CEP162: variants seen among roughly 807,000 people sequenced by gnomAD.
The protein encoded by CEP162 is centrosomal protein of 162 kDa.
CEP162 carries 141 observed loss-of-function variants against 169.2 expected under a neutral mutation model. The observed-to-expected ratio is 0.83, with a 90% CI of 0.73 to 0.96. The LOEUF (loss-of-function observed/expected upper bound fraction) is 0.96. CEP162 is among the 40% of genes least tolerant of loss of function. CEP162 has a pLI of 0.00. For missense variants in CEP162, 1,600 were observed against 1,587.2 expected (o/e 1.01, Z -0.14); for synonymous variants, 540 against 526.4 (o/e 1.03, Z -0.35).
At chr6:84,186,109 G>C (rs1027981634) in intron 12 of CEP162, among the ~76,000 whole-genome samples, 2 of 152,006 alleles carry the variant, frequency 1.3e-5, no homozygotes, top group Non-Finnish European at 2.9e-5. Context: ...AATGTATAAA[G>C]AATGGCTTCT....
chr6:84,168,901 T>C (rs2099528878), intron 18 of CEP162, among the ~76,000 whole-genome samples: 1 of 152,208 alleles, frequency 6.6e-6, no homozygotes, highest in South Asian at 2.1e-4. Flanking sequence ...GCAGTCTACT[T>C]CGGAAGACAG....
At position 84,174,923 on chromosome 6, in the gene CEP162, T is replaced by C. The variant is rs764174798; in HGVS notation, c.1829A>G (p.Glu610Gly). Reference sequence around the variant, plus strand: ...TCTTTTAAACATAAGTAATTTCTTCTCCTTGTTCTCACCACAGTATCCTAA... The same window carrying C: ...TCTTTTAAACATAAGTAATTTCTTCCCCTTGTTCTCACCACAGTATCCTAA... ...DSLGYCGENKEKKLLMFKRVQ... is the reference protein window; with the variant it reads ...DSLGYCGENKGKKLLMFKRVQ... Residue 610 changes from glutamate to glycine, a missense_variant, in exon 15 of 27, where the codon GAG becomes GGG. Physicochemically the swap from Glu to Gly is moderately conservative, Grantham distance 98 (BLOSUM62 -2). Coordinates refer to ENST00000403245, the MANE Select transcript of CEP162 (RefSeq NM_014895.4). 1 of 1,608,256 alleles carries C rather than the reference T, an allele frequency of 6.2e-7. No homozygotes were observed. The highest frequency in any genetic ancestry group is 8.5e-7 in the Non-Finnish European group (1 of 1,177,300).
chr6:84,219,102 C>G, intron 3 of CEP162: 1 of 1,097,848 alleles, frequency 9.1e-7, no homozygotes, highest in Admixed American at 2.6e-5. Context: ...TTTAATGGTA[C>G]CTGTCTTAAG....
Position 84,186,527 on chromosome 6 carries a change from C to A in CEP162, c.1206G>T (p.Val402=). 1 of 1,612,964 alleles carries A rather than the reference C, an allele frequency of 6.2e-7. No homozygotes were observed. Among genetic ancestry groups the A allele is most frequent in the South Asian group, 1.1e-5 (1 of 91,026 alleles). ...PNILSQDSQH[V]NLFFDKNDEN... is the part of the protein sequence containing the mutation. ...CATCATTTTTGTCAAAAAAAAGGTT[C>A]ACATGTTGTGAGTCTTGAGACAAAA... Residue 402 remains valine, a synonymous_variant, in exon 12 of 27, where the codon GTG becomes GTT. Coordinates refer to ENST00000403245, the MANE Select transcript of CEP162 (RefSeq NM_014895.4).
chr6:84,205,814 G>C (rs1196528944), intron 6 of CEP162, among the ~76,000 whole-genome samples: 3 of 151,436 alleles, frequency 2.0e-5, no homozygotes, highest in Non-Finnish European at 2.9e-5. Context: ...TGTATATTTA[G>C]AATACCCCAC....
At chr6:84,136,494 A>G (rs894029634) in intron 25 of CEP162, among the ~76,000 whole-genome samples, 5 of 152,198 alleles carry the variant, frequency 3.3e-5, no homozygotes, top group Non-Finnish European at 7.3e-5. Flanking sequence ...AAATTTAAAC[A>G]TAAGTTTTGG....
In CEP162 at chr6:84,222,889, CAGGT is replaced by C. The variant is rs201101964; in HGVS notation, c.58-1722_58-1719del. On this transcript the variant is annotated intron_variant, in intron 2 of 26. Transcript: ENST00000403245. ...GAACTTAACTGTCTTCACTAACAAA[CAGGT>C]AGGAAGACAGGAGGAGGGAAGAAAA... is the stretch of plus-strand genomic sequence containing the variant. 4.1e-3 allele frequency among the ~76,000 whole-genome samples: 630 copies of C among 152,338 alleles called. 5 individuals are homozygous for C. The highest frequency in any genetic ancestry group is 0.013 in the African/African-American group (546 of 41,572).
intron 21 of CEP162, among the ~76,000 whole-genome samples, chr6:84,158,343 G>A (rs1237216893): frequency 2.0e-5 from 3 of 152,062 alleles, no homozygotes; most frequent in South Asian, 4.2e-4. Context: ...AATTTCAAAG[G>A]GTTGATATAA....
chr6:84,207,533 C>G (rs2099547681), intron 6 of CEP162, among the ~76,000 whole-genome samples: 1 of 127,870 alleles, frequency 7.8e-6, no homozygotes, highest in Non-Finnish European at 1.5e-5. Context: ...CACTTGGACA[C>G]AGGGTGGGGA....
chr6:84,199,281 T>C (rs1411784119), intron 9 of CEP162, among the ~76,000 whole-genome samples: 1 of 152,206 alleles, frequency 6.6e-6, no homozygotes, highest in Non-Finnish European at 1.5e-5. Context: ...GTGAGTAATG[T>C]GTCTCGATGG....
intron 6 of CEP162, among the ~76,000 whole-genome samples, chr6:84,211,106 C>T (rs1377286871): frequency 6.6e-6 from 1 of 150,698 alleles, no homozygotes; most frequent in Admixed American, 6.6e-5. Flanking sequence ...CAGAAATGAA[C>T]AAATACTGAG....
At chr6:84,129,150 A>G (rs1337191042) in intron 25 of CEP162, among the ~76,000 whole-genome samples, 1 of 152,208 alleles carries the variant, frequency 6.6e-6, no homozygotes, top group African/African-American at 2.4e-5. Context: ...CACAATAAAC[A>G]TATGTGTGCA....
chr6:84,216,602 T>G (rs984076198), intron 3 of CEP162, among the ~76,000 whole-genome samples: 1 of 152,210 alleles, frequency 6.6e-6, no homozygotes, highest in Non-Finnish European at 1.5e-5. Context: ...TTAAGCATAT[T>G]AAAAGTTTTT....
chr6:84,186,698 T>G, intron 11 of CEP162, 75 bp from the exon 12 acceptor site: 1 of 1,183,632 alleles, frequency 8.4e-7, no homozygotes, highest in Admixed American at 2.3e-5. Context: ...ACCACGTGTG[T>G]GTGTACACGC....
intron 25 of CEP162, among the ~76,000 whole-genome samples, chr6:84,136,387 G>A (rs1201289846): frequency 6.6e-6 from 1 of 152,200 alleles, no homozygotes; most frequent in Non-Finnish European, 1.5e-5. Flanking sequence ...GGGCAGGCAG[G>A]TGATGAGACA....
chr6:84,220,869 C>T (rs1471174980), intron 3 of CEP162, among the ~76,000 whole-genome samples, 188 bp downstream of exon 3: 6 of 151,928 alleles, frequency 3.9e-5, no homozygotes, highest in East Asian at 3.9e-4. Flanking sequence ...AATGTTATAA[C>T]GCAGATTCTC....
chr6:84,222,264 A>C (rs2099554008), intron 2 of CEP162, among the ~76,000 whole-genome samples: 1 of 152,124 alleles, frequency 6.6e-6, no homozygotes, highest in Non-Finnish European at 1.5e-5. Flanking sequence ...CACATCATGG[A>C]ATTTGCTACT....
chr6:84,210,226 A>C (rs1290825857), intron 6 of CEP162, among the ~76,000 whole-genome samples: 1 of 152,220 alleles, frequency 6.6e-6, no homozygotes, highest in East Asian at 1.9e-4. Flanking sequence ...AGAAATAAAA[A>C]TGTTCTTAAA....
chr6:84,211,576 GA>G (rs967023418), intron 6 of CEP162, among the ~76,000 whole-genome samples: 3 of 142,206 alleles, frequency 2.1e-5, no homozygotes, highest in African/African-American at 8.0e-5. Flanking sequence ...TTAAAGAAAG[GA>G]AAAAAACCAG....
Sources: allele counts gnomAD v4.1 joint callset (sites outside exome capture counted in the v4.1 genomes callset), GRCh38; gene constraint gnomAD v4.1.1; transcripts MANE v1.5; gene names NCBI Gene and HGNC (gene_info 2026-07-23, HGNC 2026-07-21).